PLAA: variants seen among roughly 807,000 people sequenced by gnomAD.
PLAA encodes the protein phospholipase A-2-activating protein.
Under a neutral mutation model 84.1 loss-of-function variants are expected in PLAA, and 48 were observed. That is an observed-to-expected ratio of 0.57 (90% confidence interval 0.45 to 0.73). PLAA has a LOEUF of 0.73. PLAA is among the 30% of genes least tolerant of loss of function. The pLI is 0.00. For synonymous variants in PLAA, 392 were observed against 336.6 expected (o/e 1.16, Z -1.80); for missense variants, 903 against 954.7 (o/e 0.95, Z 0.71).
chr9:26,938,203 C>G (rs1825419411), intron 1 of PLAA, among the ~76,000 whole-genome samples: 1 of 152,082 alleles, frequency 6.6e-6, no homozygotes, highest in Non-Finnish European at 1.5e-5. Context: ...TAGTAGATTT[C>G]TCATCAAAAA....
At chr9:26,939,332 G>C (rs1407589510) in intron 1 of PLAA, among the ~76,000 whole-genome samples, 1 of 151,948 alleles carries the variant, frequency 6.6e-6, no homozygotes, top group Admixed American at 6.6e-5. Context: ...AGCTTGCAGT[G>C]AGCCGAGATT....
chr9:26,913,809 ACT>A (rs1490196609), intron 11 of PLAA, 68 bp downstream of exon 11: 10 of 1,097,446 alleles, frequency 9.1e-6, no homozygotes, highest in Non-Finnish European at 1.3e-5. Flanking sequence ...AAATTTTCTT[ACT>A]CTTTTTATTA....
chr9:26,913,734 C>CA, intron 11 of PLAA, 145 bp downstream of exon 11: 1 of 585,032 alleles, frequency 1.7e-6, no homozygotes, highest in South Asian at 2.3e-5. Context: ...TGAGAAAACT[C>CA]AAAAAGCCAG....
At chr9:26,934,906 T>A in intron 2 of PLAA, 107 bp downstream of exon 2, 1 of 814,896 alleles carries the variant, frequency 1.2e-6, no homozygotes, top group Non-Finnish European at 1.9e-6. Context: ...ACCACAGATA[T>A]AGGTAAAACA....
chr9:26,918,834 A>C (rs1307647136), intron 9 of PLAA, among the ~76,000 whole-genome samples: 3 of 152,180 alleles, frequency 2.0e-5, no homozygotes, highest in Non-Finnish European at 4.4e-5. Context: ...TGAGCACCTA[A>C]CTGCATTTAT....
At position 26,919,038 on chromosome 9, in the gene PLAA, T is replaced by C. The variant is rs538800086; in HGVS notation, c.1417+272A>G. 1.4e-4 allele frequency among the ~76,000 whole-genome samples: 21 copies of C among 152,304 alleles called. No homozygotes were observed. In the South Asian group the frequency reaches 3.9e-3, roughly 29 times the overall value. The stretch of plus-strand genomic sequence containing the variant: ...ATATAATTTTTTAAAAGAAACACTA[T>C]ATAAAAGAACTTACAAGTTTATTTT... On this transcript the variant is annotated intron_variant, in intron 9 of 13. Coordinates refer to ENST00000397292, the MANE Select transcript of PLAA (RefSeq NM_001031689.3).
chr9:26,945,692 A>G (rs982364536), intron 1 of PLAA, among the ~76,000 whole-genome samples: 11 of 152,194 alleles, frequency 7.2e-5, no homozygotes, highest in African/African-American at 1.2e-4. Flanking sequence ...TTCCATCTGC[A>G]AACTCCATAA....
In PLAA at chr9:26,923,290, T is replaced by C. The variant is rs747161037; in HGVS notation, c.927A>G (p.Glu309=). ...ACAGTTCTTTTTCAAAAGCCTTGATTTCTTCAGCACTTGCTGTTCGATCTT... is the reference window on the plus strand; with the variant it reads ...ACAGTTCTTTTTCAAAAGCCTTGATCTCTTCAGCACTTGCTGTTCGATCTT... ...ESEDRTASAE[E]IKAFEKELSH... Residue 309 remains glutamate, a synonymous_variant, in exon 7 of 14, where the codon GAA becomes GAG. Transcript: ENST00000397292. 6.2e-7 allele frequency: 1 copy of C among 1,613,972 alleles called. No homozygotes were observed. The highest frequency in any genetic ancestry group is 2.2e-5 in the East Asian group (1 of 44,854).
At chr9:26,944,701 C>T (rs113271920) in intron 1 of PLAA, among the ~76,000 whole-genome samples, 1 of 152,342 alleles carries the variant, frequency 6.6e-6, no homozygotes, top group South Asian at 2.1e-4. Context: ...AGCTTGCTAA[C>T]CTAACCAGCA....
chr9:26,921,607 T>C (rs559641341), intron 7 of PLAA, among the ~76,000 whole-genome samples: 1 of 152,370 alleles, frequency 6.6e-6, no homozygotes, highest in East Asian at 1.9e-4. Flanking sequence ...CCAGAAATAC[T>C]AGTTTTTTAA....
chr9:26,926,090 T>C, intron 5 of PLAA, 130 bp from the exon 6 acceptor site: 1 of 716,286 alleles, frequency 1.4e-6, no homozygotes, highest in Non-Finnish European at 2.3e-6. Flanking sequence ...ATTTCATATG[T>C]TTGTCACTTA....
In PLAA at chr9:26,920,359, T is replaced by G; in HGVS notation, c.1065A>C (p.Leu355=). The change falls in exon 8 of 14, where the codon CTA becomes CTC. Residue 355 remains leucine, a synonymous_variant. Transcript: ENST00000397292. ...EPGTREGQTR[L]IRDGEKVEAY... is the part of the protein sequence containing the mutation. ...CTTCGACTTTCTCCCCATCTCTGAT[T>G]AGACGAGTCTGTCCTTCTCTAGTAC... 1 of 1,613,098 alleles carries G rather than the reference T, an allele frequency of 6.2e-7. No individual in the cohort carries two copies. The highest frequency in any genetic ancestry group is 1.7e-4 in the Middle Eastern group (1 of 6,060).
chr9:26,931,707 T>C (rs181731929), intron 2 of PLAA, among the ~76,000 whole-genome samples: 178 of 152,250 alleles, frequency 1.2e-3, no homozygotes, highest in African/African-American at 4.0e-3. Context: ...TAAAATAATC[T>C]GGTTTTAAGC....
At chr9:26,936,774 T>C (rs770891718) in intron 1 of PLAA, among the ~76,000 whole-genome samples, 2 of 152,108 alleles carry the variant, frequency 1.3e-5, no homozygotes, top group Non-Finnish European at 2.9e-5. Flanking sequence ...CAGGCAGCCA[T>C]TGTTGTTGCA....
chr9:26,933,229 C>G (rs930120997), intron 2 of PLAA, among the ~76,000 whole-genome samples: 1 of 151,276 alleles, frequency 6.6e-6, no homozygotes, highest in Non-Finnish European at 1.5e-5. Flanking sequence ...GATCACGCCA[C>G]TGCACTCCAG....
At chr9:26,916,646 G>A (rs985377953) in intron 10 of PLAA, 65 of 989,694 alleles carry the variant, frequency 6.6e-5, no homozygotes, top group Non-Finnish European at 7.7e-5. Context: ...CTCGTGATTG[G>A]TAGCATCTCG....
At chr9:26,926,163 A>T (rs1168416313) in intron 5 of PLAA, among the ~76,000 whole-genome samples, 3 of 152,208 alleles carry the variant, frequency 2.0e-5, no homozygotes, top group African/African-American at 7.2e-5. Flanking sequence ...GTGTTTCTTC[A>T]GATACCCAAG....
intron 1 of PLAA, among the ~76,000 whole-genome samples, chr9:26,938,198 G>T (rs1178172813): frequency 6.6e-6 from 1 of 152,120 alleles, no homozygotes; most frequent in East Asian, 1.9e-4. Context: ...ATAATTAGTA[G>T]ATTTCTCATC....
chr9:26,909,116 G>C (rs1227840696), intron 12 of PLAA, among the ~76,000 whole-genome samples: 2 of 151,956 alleles, frequency 1.3e-5, no homozygotes, highest in Non-Finnish European at 2.9e-5. Context: ...TTGAGTTACT[G>C]TGTTTCTTTA....
Sources: gnomAD v4.1 joint callset for allele counts (sites outside exome capture counted in the v4.1 genomes callset) on GRCh38, gnomAD v4.1.1 for gene constraint, MANE v1.5 for transcripts, NCBI Gene and HGNC (gene_info 2026-07-23, HGNC 2026-07-21) for gene names.